Variants in SLC8A1 observed in about 807,000 individuals in gnomAD.
SLC8A1 encodes solute carrier family 8 member A1, also known as sodium/calcium exchanger 1.
Under a neutral mutation model 68.3 loss-of-function variants are expected in SLC8A1, and 18 were observed. The observed-to-expected ratio is 0.26, with a 90% CI of 0.18 to 0.39. The LOEUF (loss-of-function observed/expected upper bound fraction) is 0.39. Among genes scored for constraint, SLC8A1 ranks in the 10% least tolerant of loss-of-function variants. The pLI is 1.00. For synonymous variants in SLC8A1, 475 were observed against 415.5 expected, an observed-to-expected ratio of 1.14 and a Z score of -1.74; for missense variants, 985 against 1,156.7, an observed-to-expected ratio of 0.85 and a Z score of 2.15.
intron 2 of SLC8A1, among the ~76,000 whole-genome samples, chr2:40,413,615 GTC>G (rs1692874480): frequency 2.0e-5 from 3 of 152,238 alleles, no homozygotes; most frequent in Admixed American, 1.3e-4. Context: ...TTATATGAAA[GTC>G]TTATTTCAAA....
chr2:40,439,836 G>C (rs1455543352), intron 1 of SLC8A1, among the ~76,000 whole-genome samples: 1 of 152,122 alleles, frequency 6.6e-6, no homozygotes, highest in Non-Finnish European at 1.5e-5. Context: ...ATTTTAAAAA[G>C]TCAAGGTGAT....
intron 1 of SLC8A1, among the ~76,000 whole-genome samples, chr2:40,438,461 T>C (rs1368391312): frequency 6.6e-6 from 1 of 152,126 alleles, no homozygotes; most frequent in African/African-American, 2.4e-5. Flanking sequence ...CTCTATGGAG[T>C]AGCTTCTATG....
chr2:40,392,288 A>T (rs1274948395), intron 2 of SLC8A1, among the ~76,000 whole-genome samples: 1 of 152,054 alleles, frequency 6.6e-6, no homozygotes, highest in Non-Finnish European at 1.5e-5. Flanking sequence ...AAACCTAAAG[A>T]TCTTTATCAT....
At position 40,258,764 on chromosome 2, in the gene SLC8A1, C is replaced by T. The variant is rs557844911; in HGVS notation, c.1809-80909G>A. On this transcript the variant is annotated intron_variant, in intron 2 of 7. Transcript: ENST00000406785. ...GGATGACGCAGGAGAATCACTTGAA[C>T]CCTGGAGGCAGAGGTTGCAGTGAGG... 1.4e-4 allele frequency among the ~76,000 whole-genome samples: 22 copies of T among 152,114 alleles called. No individual in the cohort carries two copies. The South Asian group carries it at 4.4e-3, about 30-fold the overall frequency.
chr2:40,449,178 C>CA (rs1352145059), intron 1 of SLC8A1, among the ~76,000 whole-genome samples: 1 of 135,732 alleles, frequency 7.4e-6, no homozygotes, highest in East Asian at 2.7e-4. Flanking sequence ...CAAAAAACAA[C>CA]AACAAAAAAA....
At chr2:40,257,004 C>T (rs960820546) in intron 2 of SLC8A1, among the ~76,000 whole-genome samples, 1 of 130,958 alleles carries the variant, frequency 7.6e-6, no homozygotes, top group Non-Finnish European at 1.6e-5. Flanking sequence ...TAAGATTGAG[C>T]CTATCAAGTA....
chr2:40,260,630 TA>T (rs373113986), intron 2 of SLC8A1, among the ~76,000 whole-genome samples: 3 of 151,960 alleles, frequency 2.0e-5, no homozygotes, highest in African/African-American at 7.2e-5. Flanking sequence ...AAGCTTCCAG[TA>T]AAGAAAAAGA....
At chr2:40,491,772 T>C (rs1364344384) in intron 1 of SLC8A1, among the ~76,000 whole-genome samples, 1 of 152,174 alleles carries the variant, frequency 6.6e-6, no homozygotes, top group Admixed American at 6.6e-5. Flanking sequence ...GTTTATATGC[T>C]GGATTACATT....
intron 2 of SLC8A1, among the ~76,000 whole-genome samples, chr2:40,201,811 G>A (rs1008040930): frequency 6.6e-6 from 1 of 151,908 alleles, no homozygotes; most frequent in Non-Finnish European, 1.5e-5. Flanking sequence ...AGGTAATAAA[G>A]TCAATGGGAA....
At chr2:40,470,775 T>A (rs1395274810) in intron 1 of SLC8A1, among the ~76,000 whole-genome samples, 2 of 152,056 alleles carry the variant, frequency 1.3e-5, no homozygotes, top group East Asian at 1.9e-4. Context: ...TAAGACTTAA[T>A]TTTTTCACAA....
chr2:40,189,478 G>A (rs1239360425), intron 2 of SLC8A1, among the ~76,000 whole-genome samples: 10 of 151,874 alleles, frequency 6.6e-5, no homozygotes, highest in African/African-American at 1.2e-4. Context: ...ATGCCACCGC[G>A]CCCGAATAAT....
chr2:40,490,561 T>A (rs759492446), intron 1 of SLC8A1, among the ~76,000 whole-genome samples: 3 of 152,146 alleles, frequency 2.0e-5, no homozygotes, highest in Non-Finnish European at 2.9e-5. Context: ...GAATCTTATA[T>A]ACATTTAAAA....
chr2:40,291,168 T>A (rs903767635), intron 2 of SLC8A1, among the ~76,000 whole-genome samples: 7 of 152,190 alleles, frequency 4.6e-5, no homozygotes, highest in Non-Finnish European at 8.8e-5. Context: ...AGACCCTTCT[T>A]TTCAGTCATG....
At chr2:40,152,570 A>G (rs62150904) in intron 6 of SLC8A1, among the ~76,000 whole-genome samples, 4 of 149,888 alleles carry the variant, frequency 2.7e-5, no homozygotes, top group Non-Finnish European at 5.9e-5. Context: ...ACGCCTAGCT[A>G]ATTTTTTTTT....
intron 2 of SLC8A1, among the ~76,000 whole-genome samples, chr2:40,297,126 T>C (rs1276156793): frequency 1.3e-5 from 2 of 152,130 alleles, no homozygotes; most frequent in East Asian, 1.9e-4. Flanking sequence ...TCAAAAGACA[T>C]AGAAATTGAA....
chr2:40,442,248 C>T (rs1040352539), intron 1 of SLC8A1, among the ~76,000 whole-genome samples: 2 of 148,070 alleles, frequency 1.4e-5, no homozygotes, highest in African/African-American at 5.0e-5. Flanking sequence ...AATCTTTTTA[C>T]TAAAAGTGAT....
intron 2 of SLC8A1, among the ~76,000 whole-genome samples, chr2:40,361,237 G>C (rs1157844511): frequency 6.6e-6 from 1 of 152,128 alleles, no homozygotes; most frequent in African/African-American, 2.4e-5. Flanking sequence ...TGCTTGCTAG[G>C]AGTTCACATA....
chr2:40,175,345 G>A (rs2048283896), intron 3 of SLC8A1, 64 bp from the exon 4 acceptor site: 6 of 1,527,688 alleles, frequency 3.9e-6, no homozygotes, highest in Middle Eastern at 1.7e-4. Flanking sequence ...GAAAGTAAGA[G>A]GAATATCAGC....
chr2:40,395,366 T>C (rs903252926), intron 2 of SLC8A1, among the ~76,000 whole-genome samples: 2 of 152,114 alleles, frequency 1.3e-5, no homozygotes, highest in South Asian at 2.1e-4. Flanking sequence ...CCTGTAAACA[T>C]ACCTATCTAG....
Sources: gnomAD v4.1 joint callset for allele counts (sites outside exome capture counted in the v4.1 genomes callset) on GRCh38, gnomAD v4.1.1 for gene constraint, MANE v1.5 for transcripts, NCBI Gene and HGNC (gene_info 2026-07-23, HGNC 2026-07-21) for gene names.